The following PRR16 variants were observed in gnomAD, a reference collection of about 807,000 sequenced individuals.
The protein encoded by PRR16 is protein Largen.
PRR16 carries 6 observed loss-of-function variants against 18.2 expected under a neutral mutation model. That is an observed-to-expected ratio of 0.33 (90% CI 0.18 to 0.65). PRR16 has a LOEUF of 0.65. PRR16 is among the 30% of genes least tolerant of loss of function. PRR16 has a pLI of 0.74. For missense variants in PRR16, 412 were observed against 376.6 expected, an observed-to-expected ratio of 1.09 and a Z score of -0.78; for synonymous variants, 151 against 147.8, an observed-to-expected ratio of 1.02 and a Z score of -0.16.
intron 1 of PRR16, among the ~76,000 whole-genome samples, chr5:120,664,153 G>T (rs1324422781): frequency 1.3e-5 from 2 of 151,992 alleles, no homozygotes; most frequent in Non-Finnish European, 2.9e-5. Context: ...ACAAAAATTA[G>T]CTGGGTATGG....
chr5:120,486,610 G>C (rs1561510846), intron 1 of PRR16, among the ~76,000 whole-genome samples: 2 of 152,298 alleles, frequency 1.3e-5, no homozygotes, highest in Non-Finnish European at 2.9e-5. Context: ...TGTTCACTCT[G>C]ATGGTAGTTT....
chr5:120,645,787 A>G, intron 1 of PRR16, among the ~76,000 whole-genome samples: 1 of 151,906 alleles, frequency 6.6e-6, no homozygotes, highest in East Asian at 1.9e-4. Flanking sequence ...CACTCTAGTG[A>G]TCAATTTATC....
the PRR16 span, chr5:120,781,409 G>T: frequency 7.2e-5 from 11 of 152,088 alleles, no homozygotes; most frequent in Non-Finnish European, 1.6e-4. Flanking sequence ...TTTTGGAGAC[G>T]CATGAGTGAA....
At chr5:120,764,899 G>T in the PRR16 span, among the ~76,000 whole-genome samples, 1 of 151,900 alleles carries the variant, frequency 6.6e-6, no homozygotes, top group Non-Finnish European at 1.5e-5. Flanking sequence ...ATACAACAAT[G>T]TAAAACCTCC....
chr5:120,794,266 T>TCA, the PRR16 span, among the ~76,000 whole-genome samples: 1 of 152,112 alleles, frequency 6.6e-6, no homozygotes, highest in African/African-American at 2.4e-5. Flanking sequence ...CAATCATGAC[T>TCA]CATATTATTG....
At chr5:120,645,021 G>A (rs1449414750) in intron 1 of PRR16, among the ~76,000 whole-genome samples, 2 of 152,016 alleles carry the variant, frequency 1.3e-5, no homozygotes, top group African/African-American at 4.8e-5. Flanking sequence ...CTTTGCCAAC[G>A]TTTGTATCTC....
intron 1 of PRR16, among the ~76,000 whole-genome samples, chr5:120,612,922 A>G (rs1295841858): frequency 6.6e-6 from 1 of 152,210 alleles, no homozygotes; most frequent in Admixed American, 6.5e-5. Flanking sequence ...TGGGATGATC[A>G]TATTTTAATC....
At chr5:120,674,853 T>C (rs1327058985) in intron 1 of PRR16, among the ~76,000 whole-genome samples, 2 of 151,838 alleles carry the variant, frequency 1.3e-5, no homozygotes, top group Non-Finnish European at 2.9e-5. Context: ...TAATAATATT[T>C]CTAAGATTTT....
intron 1 of PRR16, among the ~76,000 whole-genome samples, chr5:120,568,508 C>G (rs1402643339): frequency 6.6e-6 from 1 of 152,078 alleles, no homozygotes; most frequent in Non-Finnish European, 1.5e-5. Flanking sequence ...TATATAAAAG[C>G]AAAAATAAAA....
intron 1 of PRR16, among the ~76,000 whole-genome samples, chr5:120,645,073 C>T (rs762493633): frequency 4.7e-4 from 72 of 152,176 alleles, no homozygotes; most frequent in Admixed American, 1.2e-3. Context: ...TTCTCTGAAA[C>T]CTATACCTTT....
In PRR16 at chr5:120,533,670, G is replaced by T. The variant is rs187073394; in HGVS notation, c.159+69025G>T. Among the ~76,000 whole-genome samples the T allele has an allele frequency of 2.6e-3, 390 of 152,306 alleles. 2 individuals are homozygous for T. Among genetic ancestry groups the T allele is most frequent in the Admixed American group, 3.9e-3 (60 of 15,288 alleles). ...GTGCCTGGTATATTCAAGGAAGCTT[G>T]TGTGGCTGGAACAGAGGGAGCAAGG... On this transcript the variant is annotated intron_variant, in intron 1 of 1. Coordinates refer to ENST00000407149, the MANE Select transcript of PRR16 (RefSeq NM_001300783.2).
At chr5:120,774,109 T>C in the PRR16 span, among the ~76,000 whole-genome samples, 5 of 152,258 alleles carry the variant, frequency 3.3e-5, no homozygotes, top group African/African-American at 1.2e-4. Flanking sequence ...TTTCTCAGTT[T>C]CTTAAGGTTG....
At chr5:120,660,407 A>C (rs1756135928) in intron 1 of PRR16, among the ~76,000 whole-genome samples, 1 of 152,088 alleles carries the variant, frequency 6.6e-6, no homozygotes. Context: ...TCTACATTTA[A>C]ATAATCTCAC....
the PRR16 span, among the ~76,000 whole-genome samples, chr5:120,786,821 A>C: frequency 6.6e-6 from 1 of 152,078 alleles, no homozygotes; most frequent in African/African-American, 2.4e-5. Context: ...TACTTACATA[A>C]ATTAATTAAC....
chr5:120,535,982 A>G (rs1373116344), intron 1 of PRR16, among the ~76,000 whole-genome samples: 1 of 152,230 alleles, frequency 6.6e-6, no homozygotes, highest in African/African-American at 2.4e-5. Flanking sequence ...ATGAACACTT[A>G]TACAATGGTA....
intron 1 of PRR16, among the ~76,000 whole-genome samples, chr5:120,675,120 T>C (rs567700463): frequency 1.3e-5 from 2 of 152,176 alleles, no homozygotes; most frequent in Non-Finnish European, 2.9e-5. Context: ...TTCAAAAATC[T>C]CACGATACTT....
intron 1 of PRR16, among the ~76,000 whole-genome samples, chr5:120,575,013 GAGAGAA>G (rs756260325): frequency 1.3e-5 from 2 of 148,748 alleles, no homozygotes; most frequent in Non-Finnish European, 2.9e-5. Context: ...TGTTTTGAGA[GAGAGAA>G]ATCACATTCA....
the PRR16 span, among the ~76,000 whole-genome samples, chr5:120,754,868 A>G: frequency 1.4e-4 from 21 of 151,492 alleles, no homozygotes; most frequent in African/African-American, 4.8e-4. Context: ...AATAGTCAGA[A>G]ACCATGAGGT....
At chr5:120,717,482 A>T in the PRR16 span, among the ~76,000 whole-genome samples, 3 of 152,192 alleles carry the variant, frequency 2.0e-5, no homozygotes, top group Non-Finnish European at 2.9e-5. Flanking sequence ...CATGCAGAAG[A>T]TATTTGCATA....
Sources: gnomAD v4.1 joint callset for allele counts (sites outside exome capture counted in the v4.1 genomes callset) on GRCh38, gnomAD v4.1.1 for gene constraint, MANE v1.5 for transcripts, NCBI Gene and HGNC (gene_info 2026-07-23, HGNC 2026-07-21) for gene names.